HAPLN4: variants seen among roughly 807,000 people sequenced by gnomAD.
HAPLN4 encodes the protein hyaluronan and proteoglycan link protein 4.
In HAPLN4, 19 loss-of-function variants were observed where a neutral mutation model predicts 28.0. The observed-to-expected ratio is 0.68, with a 90% CI of 0.47 to 1.00. HAPLN4 has a LOEUF of 1.00. HAPLN4 is among the 50% of genes least tolerant of loss of function. HAPLN4 has a pLI of 0.00. For missense variants in HAPLN4, 587 were observed against 602.6 expected (o/e 0.97, Z 0.27); for synonymous variants, 274 against 273.0 (o/e 1.00, Z -0.03).
rs771965780 is a variant in HAPLN4 at position 19,261,041 on chromosome 19, A to G, written c.256T>C (p.Trp86Arg). ...GCCAGCGGGTCCACCACCTTTGTCC[A>G]CTTGAGCCGGACGCCGTCGTGACCG... ...AHGHDGVRLK[W>R]TKVVDPLAFT... Residue 86 changes from tryptophan to arginine, a missense_variant, in exon 3 of 5, where the codon TGG becomes CGG. Trp to Arg is a moderately radical substitution (Grantham distance 101). Transcript: ENST00000291481. 3 of 1,613,412 alleles carry G rather than the reference A, an allele frequency of 1.9e-6. No homozygotes were observed. The highest frequency in any genetic ancestry group is 2.5e-6 in the Non-Finnish European group (3 of 1,179,994).
In HAPLN4 at chr19:19,258,099, C is replaced by T. The variant is rs757608400; in HGVS notation, c.927G>A (p.Ala309=). The change falls in exon 5 of 5, where the codon GCG becomes GCA. Residue 309 remains alanine, a synonymous_variant. Transcript: ENST00000291481. The surrounding 1 kb of genome is among the most constrained non-coding windows in gnomAD (Gnocchi z 6.2). The part of the protein sequence containing the change: ...AVAKVGQLFA[A]WKLQLLDRCT... ...AGCGGTCTAGCAGCTGCAGCTTCCA[C>T]GCGGCGAACAGCTGCCCCACCTTGG... The T allele has an allele frequency of 1.3e-6, 2 of 1,552,542 alleles. No homozygotes were observed. The highest frequency in any genetic ancestry group is 1.7e-6 in the Non-Finnish European group (2 of 1,156,038).
chr19:19,258,993 CCTCCCCAG>C lies in HAPLN4; in HGVS notation c.485-146_485-139del. 1 of 665,224 alleles carries C rather than the reference CCTCCCCAG, an allele frequency of 1.5e-6. No homozygotes were observed. The highest frequency in any genetic ancestry group is 2.0e-5 in the South Asian group (1 of 49,156). The allele number at this position is 665,224 out of a possible 1,614,324, so 41.2% of individuals were successfully genotyped here. On this transcript the variant is annotated intron_variant, in intron 3 of 4. Transcript: ENST00000291481. This position sits in a 1 kb window ranked among gnomAD's most constrained non-coding sequence, Gnocchi z 6.2. ...CTCTGGCCTCAGACCTGACCACGAT[CCTCCCCAG>C]CTCACACCCCATATAGCTGTCTCCC...
chr19:19,257,823 G>C lies in HAPLN4; in HGVS notation c.1203C>G (p.His401Gln). 1 of 1,408,822 alleles carries C rather than the reference G, an allele frequency of 7.1e-7. No individual in the cohort carries two copies. The highest frequency in any genetic ancestry group is 9.2e-7 in the Non-Finnish European group (1 of 1,091,142). The allele number at this position is 1,408,822 out of a possible 1,614,324, so 87.3% of individuals were successfully genotyped here. A position where few individuals can be genotyped will look rare whatever the true frequency, so the allele number is the denominator to read the frequency against. Residue 401 changes from histidine (H) to glutamine (Q), a missense_variant, in exon 5 of 5, where the codon CAC (histidine) becomes CAG (glutamine). Transcript: ENST00000291481. ...CTGTCCGCCTACTCCCAGCCTAGACGTGCAGAGGGGTCCAGGCAGCAGGAT... is the reference window on the plus strand; with the variant it reads ...CTGTCCGCCTACTCCCAGCCTAGACCTGCAGAGGGGTCCAGGCAGCAGGAT... ...ARDPAAWTPL[H>Q]V
chr19:19,259,974 T>C (rs1012978796), intron 3 of HAPLN4, among the ~76,000 whole-genome samples: 2 of 152,202 alleles, frequency 1.3e-5, no homozygotes, highest in African/African-American at 4.8e-5. Context: ...TCTGGGACTC[T>C]AGCTGCTGCT....
chr19:19,262,573 C>A (rs1196530607), intron 1 of HAPLN4, among the ~76,000 whole-genome samples, 157 bp downstream of exon 1: 2 of 151,614 alleles, frequency 1.3e-5, no homozygotes, highest in Admixed American at 6.6e-5. Context: ...AGGGAGAGAA[C>A]CTAGAGTGCC....
At position 19,258,553 on chromosome 19, in the gene HAPLN4, C is replaced by G; in HGVS notation, c.787G>C (p.Asp263His). Reference sequence around the variant, plus strand: ...AGGTTGGACGTGAAGCAGAAGGCGTCGTAGCGTTCCTCGGCGTTATGGCGA... The same window carrying G: ...AGGTTGGACGTGAAGCAGAAGGCGTGGTAGCGTTCCTCGGCGTTATGGCGA... ...GYRHNAEERY[D>H]AFCFTSNLPG... The change falls in exon 4 of 5, where the codon GAC becomes CAC. Residue 263 changes from aspartate (D) to histidine (H), a missense_variant. Physicochemically the swap from Asp to His is moderately conservative, Grantham distance 81. Transcript: ENST00000291481. This position sits in a 1 kb window ranked among gnomAD's most constrained non-coding sequence, Gnocchi z 6.2. 6.2e-7 allele frequency: 1 copy of G among 1,613,680 alleles called. No homozygotes were observed. The highest frequency in any genetic ancestry group is 8.5e-7 in the Non-Finnish European group (1 of 1,179,888).
chr19:19,258,256 C>G lies in HAPLN4; in HGVS notation c.818-48G>C. ...GGGTTATTAGTGCGGCTCCTGGGAC[C>G]CTGCTTCGGTGGGATTCAGGACTGC... On this transcript the variant is annotated intron_variant, in intron 4 of 4. Coordinates refer to ENST00000291481, the MANE Select transcript of HAPLN4 (RefSeq NM_023002.3). The surrounding 1 kb of genome is among the most constrained non-coding windows in gnomAD (Gnocchi z 6.2). 1.4e-6 allele frequency: 2 copies of G among 1,439,640 alleles called. No individual in the cohort carries two copies. The highest frequency in any genetic ancestry group is 9.1e-7 in the Non-Finnish European group (1 of 1,093,784). 89.2% of individuals were successfully genotyped at this position (1,439,640 alleles called of 1,614,324 possible). A position where few individuals can be genotyped will look rare whatever the true frequency, so the allele number is the denominator to read the frequency against.
At chr19:19,260,695 C>T (rs990447563) in intron 3 of HAPLN4, 118 bp downstream of exon 3, 2 of 1,276,076 alleles carry the variant, frequency 1.6e-6, no homozygotes, top group African/African-American at 1.5e-5. Flanking sequence ...TATGGGGGCT[C>T]TACCCCAACC....
rs966512055 is a variant in HAPLN4, at chr19:19,255,030, T to G, written c.*2787A>C. On this transcript the variant is annotated 3_prime_UTR_variant, in exon 5 of 5. Coordinates refer to ENST00000291481, the MANE Select transcript of HAPLN4 (RefSeq NM_023002.3). Reference sequence around the variant, plus strand: ...GCCCACATATTCATGTCAGGGAAAGTTTGTAATGTCTCTCCCTTCCTGGTA... The same window carrying G: ...GCCCACATATTCATGTCAGGGAAAGGTTGTAATGTCTCTCCCTTCCTGGTA... The G allele has an allele frequency of 1.3e-4, 20 of 152,162 alleles. No homozygotes were observed. The highest frequency in any genetic ancestry group is 3.9e-4 in the African/African-American group (16 of 41,416). The allele number at this position is 152,162 out of a possible 1,614,324, so 9.4% of individuals were successfully genotyped here. A position where few individuals can be genotyped will look rare whatever the true frequency, so the allele number is the denominator to read the frequency against.
At chr19:19,260,280 G>C in intron 3 of HAPLN4, among the ~76,000 whole-genome samples, 1 of 152,060 alleles carries the variant, frequency 6.6e-6, no homozygotes, top group East Asian at 1.9e-4. Flanking sequence ...GCAGTGGCAC[G>C]ATCTCCACTC....
intron 3 of HAPLN4, 60 bp downstream of exon 3, chr19:19,260,753 G>A (rs2060979889): frequency 6.4e-7 from 1 of 1,559,344 alleles, no homozygotes; most frequent in Non-Finnish European, 8.7e-7. Context: ...TATGTCCCTT[G>A]CCATCCCCGC....
Position 19,254,855 on chromosome 19 carries a change from T to A in HAPLN4, c.*2962A>T, listed in dbSNP as rs941034251. 1.3e-5 allele frequency: 2 copies of A among 152,348 alleles called. No individual in the cohort carries two copies. The highest frequency in any genetic ancestry group is 4.8e-5 in the African/African-American group (2 of 41,454). 9.4% of individuals were successfully genotyped at this position (152,348 alleles called of 1,614,324 possible). On this transcript the variant is annotated 3_prime_UTR_variant, in exon 5 of 5. Transcript: ENST00000291481. The stretch of plus-strand genomic sequence containing the variant: ...ATGGCTCACTGCAGCCTCGACCTTC[T>A]GGCTCAAGCAATCCTCCCACCTTGG...
At position 19,255,004 on chromosome 19, in the gene HAPLN4, A is replaced by T. The variant is rs2060961225; in HGVS notation, c.*2813T>A. On this transcript the variant is annotated 3_prime_UTR_variant, in exon 5 of 5. Coordinates refer to ENST00000291481, the MANE Select transcript of HAPLN4 (RefSeq NM_023002.3). ...CAGTGCTTCCTCAGCCCCTGCCCTC[A>T]GCCCACATATTCATGTCAGGGAAAG... The T allele has an allele frequency of 6.6e-6, 1 of 152,198 alleles. No individual in the cohort carries two copies. Among genetic ancestry groups the T allele is most frequent in the South Asian group, 2.1e-4 (1 of 4,822 alleles). The allele number at this position is 152,198 out of a possible 1,614,324, so 9.4% of individuals were successfully genotyped here.
In HAPLN4 at chr19:19,256,196, T is replaced by C. The variant is rs1282270207; in HGVS notation, c.*1621A>G. 1 of 152,156 alleles carries C rather than the reference T, an allele frequency of 6.6e-6. No individual in the cohort carries two copies. Among genetic ancestry groups the C allele is most frequent in the African/African-American group, 2.4e-5 (1 of 41,416 alleles). The allele number at this position is 152,156 out of a possible 1,614,324, so 9.4% of individuals were successfully genotyped here. On this transcript the variant is annotated 3_prime_UTR_variant, in exon 5 of 5. Coordinates refer to ENST00000291481, the MANE Select transcript of HAPLN4 (RefSeq NM_023002.3). Reference sequence around the variant, plus strand: ...TATCTCAACAGACCAGGGCACGCCATAGGCTCGGTTTCCTCATTTGTAGGA... The same window carrying C: ...TATCTCAACAGACCAGGGCACGCCACAGGCTCGGTTTCCTCATTTGTAGGA...
rs773806066 is a variant in HAPLN4, at chr19:19,258,663, G to A, written c.677C>T (p.Pro226Leu). The A allele has an allele frequency of 6.2e-7, 1 of 1,610,404 alleles. No homozygotes were observed. The highest frequency in any genetic ancestry group is 8.5e-7 in the Non-Finnish European group (1 of 1,178,514). Reference protein sequence around the residue: ...DGSVQYPVNRPREPCGGLGGT... With the variant: ...DGSVQYPVNRLREPCGGLGGT... The stretch of plus-strand genomic sequence containing the variant: ...CCCCAGGCCGCCGCAGGGCTCCCGG[G>A]GCCGGTTCACGGGGTATTGCACTGA... Residue 226 changes from proline (P) to leucine (L), a missense_variant, in exon 4 of 5, where the codon CCC becomes CTC. Coordinates refer to ENST00000291481, the MANE Select transcript of HAPLN4 (RefSeq NM_023002.3). The surrounding 1 kb of genome is among the most constrained non-coding windows in gnomAD (Gnocchi z 6.2).
In HAPLN4 at chr19:19,258,256, C is replaced by T; in HGVS notation, c.818-48G>A. 1 of 1,439,640 alleles carries T rather than the reference C, an allele frequency of 6.9e-7. No individual in the cohort carries two copies. Among genetic ancestry groups the T allele is most frequent in the Non-Finnish European group, 9.1e-7 (1 of 1,093,784 alleles). 89.2% of individuals were successfully genotyped at this position (1,439,640 alleles called of 1,614,324 possible). ...GGGTTATTAGTGCGGCTCCTGGGACCCTGCTTCGGTGGGATTCAGGACTGC... is the reference window on the plus strand; with the variant it reads ...GGGTTATTAGTGCGGCTCCTGGGACTCTGCTTCGGTGGGATTCAGGACTGC... On this transcript the variant is annotated intron_variant, in intron 4 of 4. Transcript: ENST00000291481. The surrounding 1 kb of genome is among the most constrained non-coding windows in gnomAD (Gnocchi z 6.2).
chr19:19,258,146 C>G lies in HAPLN4; in HGVS notation c.880G>C (p.Ala294Pro), dbSNP rs934153837. The change falls in exon 5 of 5, where the codon GCT becomes CCT. Residue 294 changes from alanine to proline, a missense_variant. Physicochemically the swap from Ala to Pro is conservative, Grantham distance 27. Coordinates refer to ENST00000291481, the MANE Select transcript of HAPLN4 (RefSeq NM_023002.3). The surrounding 1 kb of genome is among the most constrained non-coding windows in gnomAD (Gnocchi z 6.2). ...VPFSGAARAC[A>P]ARGAAVAKVG... ...TTGGCCACGGCCGCGCCACGCGCAG[C>G]ACACGCGCGCGCAGCTCCGGAGAAG... 1 of 1,545,354 alleles carries G rather than the reference C, an allele frequency of 6.5e-7. No individual in the cohort carries two copies. Among genetic ancestry groups the G allele is most frequent in the Non-Finnish European group, 8.7e-7 (1 of 1,152,874 alleles).
rs571286207 is a variant in HAPLN4, at chr19:19,258,665, C to T, written c.675G>A (p.Arg225=). The T allele has an allele frequency of 1.1e-5, 17 of 1,610,152 alleles. No homozygotes were observed. The highest frequency in any genetic ancestry group is 6.7e-5 in the Admixed American group (4 of 59,752). ...CCAGGCCGCCGCAGGGCTCCCGGGG[C>T]CGGTTCACGGGGTATTGCACTGAGC... ...RDGSVQYPVN[R]PREPCGGLGG... The change falls in exon 4 of 5, where the codon CGG becomes CGA. Residue 225 remains arginine (R), a synonymous_variant. Transcript: ENST00000291481. This position sits in a 1 kb window ranked among gnomAD's most constrained non-coding sequence, Gnocchi z 6.2.
Position 19,257,286 on chromosome 19 carries a change from C to A in HAPLN4, c.*531G>T, listed in dbSNP as rs915690787. ...GCCTCGGCCCACAACCTCCATGTGA[C>A]CACGGGGAGTGACCCTGAAGTTCCT... is the stretch of plus-strand genomic sequence containing the variant. On this transcript the variant is annotated 3_prime_UTR_variant, in exon 5 of 5. Coordinates refer to ENST00000291481, the MANE Select transcript of HAPLN4 (RefSeq NM_023002.3). 1 of 152,742 alleles carries A rather than the reference C, an allele frequency of 6.5e-6. No homozygotes were observed. Among genetic ancestry groups the A allele is most frequent in the African/African-American group, 2.4e-5 (1 of 41,428 alleles). The allele number at this position is 152,742 out of a possible 1,614,324, so 9.5% of individuals were successfully genotyped here. A position where few individuals can be genotyped will look rare whatever the true frequency, so the allele number is the denominator to read the frequency against.
Sources: gnomAD v4.1 joint callset for allele counts (sites outside exome capture counted in the v4.1 genomes callset) on GRCh38, gnomAD v4.1.1 for gene constraint, Gnocchi (gnomAD v3.1) non-coding constraint, MANE v1.5 for transcripts, NCBI Gene and HGNC (gene_info 2026-07-23, HGNC 2026-07-21) for gene names.